Variants in PCDH7 observed in about 807,000 individuals in gnomAD.
PCDH7 encodes the protein protocadherin-7.
In PCDH7, 17 loss-of-function variants were observed where a neutral mutation model predicts 58.9. The ratio of observed to expected loss-of-function variants is 0.29; its 90% CI spans 0.20 to 0.43. The LOEUF (loss-of-function observed/expected upper bound fraction) is 0.43, where lower values mean the gene tolerates loss of function less well. PCDH7 is among the 20% of genes least tolerant of loss of function. PCDH7 has a pLI of 1.00. For missense variants in PCDH7, 1,274 were observed against 1,441.0 expected (o/e 0.88, Z 1.88); for synonymous variants, 664 against 616.4 (o/e 1.08, Z -1.14).
chr4:31,031,421 G>T (rs1754909587), intron 3 of PCDH7, among the ~76,000 whole-genome samples: 1 of 152,132 alleles, frequency 6.6e-6, no homozygotes, highest in Non-Finnish European at 1.5e-5. Flanking sequence ...GTAGAAGGAA[G>T]AATATTCACA....
chr4:30,788,369 G>A (rs914623773), intron 1 of PCDH7, among the ~76,000 whole-genome samples: 8 of 151,750 alleles, frequency 5.3e-5, no homozygotes, highest in Non-Finnish European at 8.8e-5. Context: ...TTATCTTGCC[G>A]ATTGACTTTA....
chr4:31,114,621 T>TCATACAAACA (rs1376775598), intron 3 of PCDH7, among the ~76,000 whole-genome samples: 2 of 106,756 alleles, frequency 1.9e-5, no homozygotes, highest in African/African-American at 7.3e-5. Flanking sequence ...ATGCACACAC[T>TCATACAAACA]CACACATACA....
At chr4:31,058,725 G>A (rs1001102841) in intron 3 of PCDH7, among the ~76,000 whole-genome samples, 2 of 151,944 alleles carry the variant, frequency 1.3e-5, no homozygotes, top group Non-Finnish European at 2.9e-5. Flanking sequence ...AACTGTGTTG[G>A]CAATCTAGTG....
chr4:31,104,726 T>G (rs1715330797), intron 3 of PCDH7, among the ~76,000 whole-genome samples: 1 of 152,178 alleles, frequency 6.6e-6, no homozygotes, highest in Non-Finnish European at 1.5e-5. Context: ...AAACAGCATC[T>G]GAATTACAGG....
intron 1 of PCDH7, among the ~76,000 whole-genome samples, chr4:30,867,421 C>G (rs1735013496): frequency 1.3e-5 from 2 of 152,034 alleles, no homozygotes; most frequent in African/African-American, 4.8e-5. Context: ...TTGTCCTATA[C>G]TTCAGGGCAC....
chr4:30,907,719 T>C (rs1486505008), intron 1 of PCDH7, among the ~76,000 whole-genome samples: 1 of 152,104 alleles, frequency 6.6e-6, no homozygotes, highest in Non-Finnish European at 1.5e-5. Flanking sequence ...GGAACTAGAA[T>C]TACCATTTGA....
chr4:30,796,000 T>C (rs1724726498), intron 1 of PCDH7, among the ~76,000 whole-genome samples: 1 of 152,192 alleles, frequency 6.6e-6, no homozygotes, highest in African/African-American at 2.4e-5. Flanking sequence ...AGTAATTAGG[T>C]AAGTTCATAT....
In PCDH7 at chr4:31,128,737, T is replaced by G. The variant is rs144061739; in HGVS notation, c.*8-13736T>G. Among the ~76,000 whole-genome samples, 807 of 152,322 alleles carry G rather than the reference T, an allele frequency of 5.3e-3. 7 individuals are homozygous for G. The highest frequency in any genetic ancestry group is 0.018 in the African/African-American group (755 of 41,580). ...TCTTAGCAGCCTCTACTGACTCTAC[T>G]GACAGCACCCTGCTCCCTAGGCTGG... On this transcript the variant is annotated intron_variant, in intron 3 of 3. Coordinates refer to the PCDH7 transcript ENST00000509759.
chr4:30,831,963 A>G (rs751433365), intron 1 of PCDH7, among the ~76,000 whole-genome samples: 28 of 152,156 alleles, frequency 1.8e-4, no homozygotes, highest in Non-Finnish European at 2.9e-4. Flanking sequence ...TTTTTAATGT[A>G]TGGCCACCAC....
chr4:30,843,561 A>G (rs1010006974), intron 1 of PCDH7, among the ~76,000 whole-genome samples: 11 of 152,184 alleles, frequency 7.2e-5, no homozygotes, highest in African/African-American at 2.7e-4. Context: ...TTACTTGCAA[A>G]GTCTGTCACA....
chr4:30,914,044 T>C (rs75149611), intron 1 of PCDH7, among the ~76,000 whole-genome samples: 4,034 of 152,270 alleles, frequency 0.026, 78 homozygotes, highest in Non-Finnish European at 0.043. Context: ...AAGGCCACCA[T>C]GTTCAGGCCT....
intron 3 of PCDH7, among the ~76,000 whole-genome samples, chr4:31,039,931 A>T (rs1192944851): frequency 6.6e-6 from 1 of 152,172 alleles, no homozygotes; most frequent in African/African-American, 2.4e-5. Flanking sequence ...TTCTCCCCTC[A>T]TGTAGAATCT....
intron 3 of PCDH7, among the ~76,000 whole-genome samples, chr4:31,024,190 C>A (rs577313100): frequency 6.6e-6 from 1 of 152,012 alleles, no homozygotes; most frequent in African/African-American, 2.4e-5. Flanking sequence ...GAAAAATATG[C>A]GCTTTTTTCA....
At chr4:31,058,671 G>C (rs903546885) in intron 3 of PCDH7, among the ~76,000 whole-genome samples, 19 of 151,986 alleles carry the variant, frequency 1.3e-4, no homozygotes, top group African/African-American at 4.6e-4. Flanking sequence ...AATATTTTTG[G>C]AAATTAATGA....
intron 1 of PCDH7, among the ~76,000 whole-genome samples, chr4:30,787,318 C>A (rs917342495): frequency 1.3e-5 from 2 of 152,004 alleles, no homozygotes; most frequent in Non-Finnish European, 2.9e-5. Flanking sequence ...GAAATGTATA[C>A]CTCAGGATTG....
chr4:30,771,447 A>T (rs1258717166), intron 1 of PCDH7, among the ~76,000 whole-genome samples: 1 of 152,184 alleles, frequency 6.6e-6, no homozygotes. Context: ...GGGTACCATA[A>T]TGCAGTCAGA....
intron 3 of PCDH7, among the ~76,000 whole-genome samples, chr4:31,052,358 A>C (rs946495481): frequency 6.6e-6 from 1 of 152,178 alleles, no homozygotes; most frequent in Non-Finnish European, 1.5e-5. Flanking sequence ...TTGAAACTAC[A>C]CAAAGGAATG....
chr4:31,080,617 A>T (rs1320018125), intron 3 of PCDH7, among the ~76,000 whole-genome samples: 4 of 152,198 alleles, frequency 2.6e-5, no homozygotes, highest in Non-Finnish European at 4.4e-5. Context: ...AATTCTTTTC[A>T]TATTGCATTT....
chr4:30,903,396 C>A (rs1394833516), intron 1 of PCDH7, among the ~76,000 whole-genome samples: 1 of 151,888 alleles, frequency 6.6e-6, no homozygotes, highest in African/African-American at 2.4e-5. Flanking sequence ...CGTTTATTAT[C>A]AGTTATTTTT....
Sources: gnomAD v4.1 joint callset for allele counts (sites outside exome capture counted in the v4.1 genomes callset) on GRCh38, gnomAD v4.1.1 for gene constraint, MANE v1.5 for transcripts, NCBI Gene and HGNC (gene_info 2026-07-23, HGNC 2026-07-21) for gene names.